The following CERS3 variants were observed in gnomAD, a reference collection of about 807,000 sequenced individuals.
CERS3 encodes LAG1 homolog, ceramide synthase 3.
In CERS3, 33 loss-of-function variants were observed where a neutral mutation model predicts 50.3. The ratio of observed to expected loss-of-function variants is 0.66; its 90% CI spans 0.50 to 0.88. The LOEUF (loss-of-function observed/expected upper bound fraction) is 0.88, where lower values mean the gene tolerates loss of function less well. CERS3 is among the 40% of genes least tolerant of loss of function. CERS3 has a pLI of 0.00. For synonymous variants in CERS3, 176 were observed against 155.2 expected, an observed-to-expected ratio of 1.13 and a Z score of -0.99; for missense variants, 470 against 460.3, an observed-to-expected ratio of 1.02 and a Z score of -0.19.
intron 10 of CERS3, among the ~76,000 whole-genome samples, chr15:100,460,222 T>A (rs2034505823): frequency 6.6e-6 from 1 of 152,222 alleles, no homozygotes; most frequent in Admixed American, 6.5e-5. Context: ...AAGTTCTGGC[T>A]TTACTACTTA....
At position 100,514,243 on chromosome 15, in the gene CERS3, A is replaced by T. The variant is rs561407542; in HGVS notation, c.-2+7424T>A. On this transcript the variant is annotated intron_variant, in intron 2 of 11. Coordinates refer to ENST00000679737, the MANE Select transcript of CERS3 (RefSeq NM_001378789.1). ...CTGTTAAATGATAAATTGGAGTCAA[A>T]CTATTAAATACCATGAAATTGCCCT... 1.8e-4 allele frequency among the ~76,000 whole-genome samples: 28 copies of T among 152,318 alleles called. No homozygotes were observed. The East Asian group carries it at 4.6e-3, about 25-fold the overall frequency.
intron 11 of CERS3, among the ~76,000 whole-genome samples, chr15:100,435,037 G>A (rs570382039): frequency 6.6e-6 from 1 of 152,326 alleles, no homozygotes; most frequent in South Asian, 2.1e-4. Flanking sequence ...TTGGGACAGA[G>A]GAAAGAGAGG....
Position 100,489,598 on chromosome 15 carries a change from G to C in CERS3, c.288+1219C>G, listed in dbSNP as rs550093874. 1.1e-4 allele frequency among the ~76,000 whole-genome samples: 17 copies of C among 152,138 alleles called. No homozygotes were observed. In the South Asian group the frequency reaches 3.3e-3, roughly 30 times the overall value. ...AGTTAGTTGTTCCCAAACAAAGAAG[G>C]ATAATAAAGGACCCAGAAAGAGCCC... On this transcript the variant is annotated intron_variant, in intron 4 of 11. Transcript: ENST00000679737.
intron 1 of CERS3, among the ~76,000 whole-genome samples, chr15:100,534,334 A>C (rs2037019728): frequency 6.6e-6 from 1 of 152,146 alleles, no homozygotes. Context: ...TCAACTGCAA[A>C]ATGAGGAAAA....
rs115078133 is a variant in CERS3 at position 100,410,101 on chromosome 15, T to A, written c.1000-7236A>T. Among the ~76,000 whole-genome samples, 1,462 of 152,294 alleles carry A rather than the reference T, an allele frequency of 9.6e-3. 26 individuals carry two copies. The highest frequency in any genetic ancestry group is 0.033 in the African/African-American group (1,370 of 41,558). On this transcript the variant is annotated intron_variant, in intron 11 of 11. Transcript: ENST00000679737. ...CTTTCTCCAAAAACAACCTGGGTGG[T>A]CTAGAATGTTATTAGCAATATTATT...
chr15:100,434,733 G>T (rs188624294), intron 11 of CERS3, among the ~76,000 whole-genome samples: 1 of 152,176 alleles, frequency 6.6e-6, no homozygotes, highest in South Asian at 2.1e-4. Context: ...ATATCCTGCT[G>T]TGAATGTGCA....
At position 100,499,655 on chromosome 15, in the gene CERS3, C is replaced by T; in HGVS notation, c.173+2022G>A. Among the ~76,000 whole-genome samples, 2 of 152,120 alleles carry T rather than the reference C, an allele frequency of 1.3e-5. 1 individual carries two copies. Among genetic ancestry groups the T allele is most frequent in the Non-Finnish European group, 2.9e-5 (2 of 68,030 alleles). ...TGCAGTCTAGAACAAAAGAAGGAAG[C>T]TTTGTTGTGTTAAATATATCAGGAT... On this transcript the variant is annotated intron_variant, in intron 3 of 11. Coordinates refer to ENST00000679737, the MANE Select transcript of CERS3 (RefSeq NM_001378789.1).
At chr15:100,479,341 T>G in intron 7 of CERS3, 87 bp downstream of exon 7, 1 of 979,390 alleles carries the variant, frequency 1.0e-6, no homozygotes, top group Non-Finnish European at 1.6e-6. Flanking sequence ...GAACAAAGAG[T>G]AGCAGGGGAC....
At chr15:100,538,329 C>G (rs1265879640) in intron 1 of CERS3, among the ~76,000 whole-genome samples, 1 of 152,218 alleles carries the variant, frequency 6.6e-6, no homozygotes, top group Non-Finnish European at 1.5e-5. Flanking sequence ...AGTGGGAATT[C>G]TGTGTGGGGA....
intron 1 of CERS3, among the ~76,000 whole-genome samples, chr15:100,526,897 G>T (rs2036811479): frequency 6.6e-6 from 1 of 152,120 alleles, no homozygotes; most frequent in Non-Finnish European, 1.5e-5. Context: ...AGGTCCTATG[G>T]AAGGCATTTG....
intron 1 of CERS3, among the ~76,000 whole-genome samples, chr15:100,523,347 C>T (rs73475764): frequency 0.033 from 5,069 of 152,182 alleles, 156 homozygotes; most frequent in Admixed American, 0.094. Flanking sequence ...AAACAGAAGT[C>T]CTTATTTTTA....
At chr15:100,532,636 G>C (rs2036965846), upstream of CERS3, among the ~76,000 whole-genome samples, 3 of 152,152 alleles carry the variant, frequency 2.0e-5, no homozygotes, top group South Asian at 6.2e-4. Context: ...TATGGTAGCT[G>C]TGATCCCAGC....
At chr15:100,413,897 G>C (rs1477506658) in intron 11 of CERS3, among the ~76,000 whole-genome samples, 1 of 151,454 alleles carries the variant, frequency 6.6e-6, no homozygotes, top group African/African-American at 2.4e-5. Context: ...GGAAGAAACT[G>C]AAATCATAAA....
intron 11 of CERS3, among the ~76,000 whole-genome samples, chr15:100,408,294 G>A (rs1337388797): frequency 6.6e-6 from 1 of 152,148 alleles, no homozygotes; most frequent in Non-Finnish European, 1.5e-5. Context: ...CATAATTCCA[G>A]GAAACCATGT....
intron 11 of CERS3, among the ~76,000 whole-genome samples, chr15:100,411,543 G>T (rs1401525311): frequency 6.6e-6 from 1 of 152,116 alleles, no homozygotes; most frequent in African/African-American, 2.4e-5. Flanking sequence ...TCTCTCAATG[G>T]TCGCTGGATT....
upstream of CERS3, among the ~76,000 whole-genome samples, chr15:100,531,131 CAT>C (rs1475666415): frequency 3.9e-5 from 6 of 152,140 alleles, no homozygotes; most frequent in South Asian, 2.1e-4. Context: ...TGTAGAACCA[CAT>C]GTTTTCATGC....
Position 100,503,848 on chromosome 15 carries a change from T to A in CERS3, c.-1-1998A>T, listed in dbSNP as rs182818541. The A allele has an allele frequency of 1.3e-3, 556 of 432,842 alleles. 1 individual carries two copies. Among genetic ancestry groups the A allele is most frequent in the Non-Finnish European group, 1.9e-3 (406 of 211,178 alleles). 26.8% of individuals were successfully genotyped at this position (432,842 alleles called of 1,614,324 possible). A position where few individuals can be genotyped will look rare whatever the true frequency, so the allele number is the denominator to read the frequency against. On this transcript the variant is annotated intron_variant, in intron 2 of 11. Coordinates refer to ENST00000679737, the MANE Select transcript of CERS3 (RefSeq NM_001378789.1). ...GTGGGGACCAGAGGGAATAACGCCATCTGTGGGATGCAAATCGGGTAGAGG... is the reference window on the plus strand; with the variant it reads ...GTGGGGACCAGAGGGAATAACGCCAACTGTGGGATGCAAATCGGGTAGAGG...
At chr15:100,543,442 CAG>C (rs1162065753) in intron 1 of CERS3, among the ~76,000 whole-genome samples, 5 of 151,990 alleles carry the variant, frequency 3.3e-5, no homozygotes, top group Admixed American at 6.5e-5. Context: ...GCTCAAATAT[CAG>C]AGTGATTCAG....
chr15:100,526,685 C>T (rs543534420), intron 1 of CERS3, among the ~76,000 whole-genome samples: 81 of 152,162 alleles, frequency 5.3e-4, no homozygotes, highest in Admixed American at 1.8e-3. Flanking sequence ...AAGATAATCA[C>T]AAAGTGATTT....
Sources: allele counts gnomAD v4.1 joint callset (sites outside exome capture counted in the v4.1 genomes callset), GRCh38; gene constraint gnomAD v4.1.1; transcripts MANE v1.5; gene names NCBI Gene and HGNC (gene_info 2026-07-23, HGNC 2026-07-21).